Variants in OCLN observed in about 807,000 individuals in gnomAD.
The protein encoded by OCLN is occludin.
OCLN carries 21 observed loss-of-function variants against 47.9 expected under a neutral mutation model. The ratio of observed to expected loss-of-function variants is 0.44; its 90% CI spans 0.31 to 0.63. The LOEUF (loss-of-function observed/expected upper bound fraction) is 0.63, where lower values mean the gene tolerates loss of function less well. OCLN is among the 30% of genes least tolerant of loss of function. The pLI is 0.08. For synonymous variants in OCLN, 117 were observed against 198.4 expected (o/e 0.59, Z 3.45); for missense variants, 360 against 571.0 (o/e 0.63, Z 3.77).
intron 1 of OCLN, among the ~76,000 whole-genome samples, chr5:69,498,426 G>A (rs1417109347): frequency 6.6e-6 from 1 of 151,990 alleles, no homozygotes; most frequent in Non-Finnish European, 1.5e-5. Flanking sequence ...CCTGGGAGGT[G>A]GAGGTTGCAT....
chr5:69,507,623 A>G (rs1371199444), intron 2 of OCLN, among the ~76,000 whole-genome samples: 2 of 150,186 alleles, frequency 1.3e-5, no homozygotes, highest in Non-Finnish European at 3.0e-5. Flanking sequence ...TTTTTTTTTT[A>G]AGACAGAGTT....
At chr5:69,521,182 T>C (rs992309712) in intron 4 of OCLN, among the ~76,000 whole-genome samples, 11 of 152,208 alleles carry the variant, frequency 7.2e-5, no homozygotes, top group African/African-American at 2.7e-4. Flanking sequence ...AAACCAAAAA[T>C]AGGATCATAA....
At chr5:69,549,224 T>C (rs79008445) in intron 7 of OCLN, among the ~76,000 whole-genome samples, 88,788 of 105,436 alleles carry the variant, frequency 0.84, 37,731 homozygotes, top group African/African-American at 0.88. Flanking sequence ...ACTTGTAGTC[T>C]CAGCTACTTG....
At chr5:69,510,769 C>T (rs1768761019) in intron 3 of OCLN, among the ~76,000 whole-genome samples, 1 of 152,154 alleles carries the variant, frequency 6.6e-6, no homozygotes, top group Non-Finnish European at 1.5e-5. Flanking sequence ...TGGGTTATAC[C>T]TAGGGGTGGA....
At chr5:69,508,640 C>T (rs1005424295) in intron 2 of OCLN, among the ~76,000 whole-genome samples, 7 of 152,220 alleles carry the variant, frequency 4.6e-5, no homozygotes, top group African/African-American at 1.2e-4. Flanking sequence ...CGTGCCCAGC[C>T]GGACTAGATA....
intron 4 of OCLN, among the ~76,000 whole-genome samples, chr5:69,532,898 G>A (rs1464404857): frequency 6.6e-6 from 1 of 151,794 alleles, no homozygotes; most frequent in African/African-American, 2.4e-5. Context: ...AACCCAGGAG[G>A]CGGAGGTTAC....
intron 4 of OCLN, among the ~76,000 whole-genome samples, chr5:69,515,455 G>A (rs1447510369): frequency 7.4e-5 from 10 of 134,466 alleles, no homozygotes; most frequent in African/African-American, 2.5e-4. Context: ...CCGGGCAGAG[G>A]GGCTCCTCAC....
intron 1 of OCLN, among the ~76,000 whole-genome samples, chr5:69,498,944 G>A (rs979166228): frequency 6.6e-6 from 1 of 152,166 alleles, no homozygotes. Context: ...CTCCCAAAGA[G>A]CTGGAATTAC....
chr5:69,527,491 A>G (rs933219822), intron 4 of OCLN, among the ~76,000 whole-genome samples: 1 of 152,056 alleles, frequency 6.6e-6, no homozygotes, highest in Non-Finnish European at 1.5e-5. Flanking sequence ...ATTTTTTTGT[A>G]AGTTTTTATT....
At chr5:69,513,305 C>T (rs1768836969) in intron 3 of OCLN, among the ~76,000 whole-genome samples, 1 of 152,190 alleles carries the variant, frequency 6.6e-6, no homozygotes, top group Non-Finnish European at 1.5e-5. Context: ...TTCTTTGTTA[C>T]AGGGCCCTTT....
In OCLN at chr5:69,504,263, G is replaced by C. The variant is rs576636804; in HGVS notation, c.19G>C (p.Glu7Gln). The change falls in exon 2 of 9, where the codon GAA (glutamate) becomes CAA (glutamine). Residue 7 changes from glutamate to glutamine, a missense_variant. Coordinates refer to ENST00000396442, the MANE Select transcript of OCLN (RefSeq NM_001205254.2). ...ATCAGCCATGTCATCCAGGCCTCTT[G>C]AAAGTCCACCTCCTTACAGGCCTGA... is the stretch of plus-strand genomic sequence containing the variant. MSSRPL[E>Q]SPPPYRPDEF... The C allele has an allele frequency of 4.3e-6, 7 of 1,609,870 alleles. No individual in the cohort carries two copies. The East Asian group carries it at 1.6e-4, about 36-fold the overall frequency.
At position 69,520,633 on chromosome 5, in the gene OCLN, T is replaced by C. The variant is rs1190295238; in HGVS notation, c.891+6524T>C. Among the ~76,000 whole-genome samples, 6 of 152,006 alleles carry C rather than the reference T, an allele frequency of 3.9e-5. No homozygotes were observed. The East Asian group carries it at 1.2e-3, about 29-fold the overall frequency. ...ATCATCTTTTTCCTTTCCTATTTCT[T>C]ATTCTAAATTGGAAGTATGCTCATA... is the stretch of plus-strand genomic sequence containing the variant. On this transcript the variant is annotated intron_variant, in intron 4 of 8. Transcript: ENST00000396442.
chr5:69,493,374 G>A lies in OCLN; in HGVS notation c.-69+474G>A, dbSNP rs556603764. ...GCGGCCCGGGCGGCTTAGATCCCGG[G>A]GGGAATTTCATTCCTTCCGCTCCCA... is the stretch of plus-strand genomic sequence containing the variant. On this transcript the variant is annotated intron_variant, in intron 1 of 8. Transcript: ENST00000396442. The surrounding 1 kb of genome is among the most constrained non-coding windows in gnomAD (Gnocchi z 5.3). 1.3e-4 allele frequency among the ~76,000 whole-genome samples: 20 copies of A among 152,144 alleles called. No individual in the cohort carries two copies. In the South Asian group the frequency reaches 3.5e-3, roughly 27 times the overall value.
Position 69,548,004 on chromosome 5 carries a change from A to G in OCLN, c.1328A>G (p.Tyr443Cys), listed in dbSNP as rs1472531578. Residue 443 changes from tyrosine to cysteine, a missense_variant, in exon 7 of 9, where the codon TAC (tyrosine) becomes TGC (cysteine). Physicochemically the swap from Tyr to Cys is radical, Grantham distance 194. Coordinates refer to ENST00000396442, the MANE Select transcript of OCLN (RefSeq NM_001205254.2). ...KRNFDTGLQE[Y>C]KSLQSELDEI... is the part of the protein sequence containing the mutation. The stretch of plus-strand genomic sequence containing the variant: ...AATTTTGACACTGGCCTACAGGAAT[A>G]CAAGAGCTTACAATCAGAACTTGAT... 4.9e-6 allele frequency: 3 copies of G among 618,178 alleles called. No individual in the cohort carries two copies. In the South Asian group the frequency reaches 5.6e-5, roughly 12 times the overall value. 38.3% of individuals were successfully genotyped at this position (618,178 alleles called of 1,614,324 possible).
chr5:69,525,628 C>T (rs1416816510), intron 4 of OCLN, among the ~76,000 whole-genome samples: 1 of 152,110 alleles, frequency 6.6e-6, no homozygotes, highest in Non-Finnish European at 1.5e-5. Flanking sequence ...TGGCAAAACT[C>T]AACCAGTTTC....
chr5:69,529,490 A>G (rs1769371976), intron 4 of OCLN, among the ~76,000 whole-genome samples: 1 of 152,218 alleles, frequency 6.6e-6, no homozygotes, highest in African/African-American at 2.4e-5. Flanking sequence ...TGGAATAAGA[A>G]TCTTAATAAA....
At position 69,550,183 on chromosome 5, in the gene OCLN, A is replaced by G. The variant is rs1370768183; in HGVS notation, c.1426-1361A>G. ...TCTGTTTTTGCACTCTTGTCTACTT[A>G]TCTAATTTTTTTTTTTTTTTTTTTT... On this transcript the variant is annotated intron_variant, in intron 7 of 8. Coordinates refer to ENST00000396442, the MANE Select transcript of OCLN (RefSeq NM_001205254.2). 1.5e-4 allele frequency among the ~76,000 whole-genome samples: 15 copies of G among 100,370 alleles called. 1 individual carries two copies. In the South Asian group the frequency reaches 3.4e-3, roughly 23 times the overall value. 65.8% of individuals were successfully genotyped at this position (100,370 alleles called of 152,430 possible).
intron 3 of OCLN, 104 bp from the exon 4 acceptor site, chr5:69,513,844 T>G: frequency 1.0e-6 from 1 of 953,854 alleles, no homozygotes; most frequent in Non-Finnish European, 1.7e-6. Context: ...CACATGGATT[T>G]AGTAGGGCCT....
At position 69,513,995 on chromosome 5, in the gene OCLN, A is replaced by G; in HGVS notation, c.777A>G (p.Leu259=). ...LGFMIIVAFA[L]IIFFAVKTRR... The stretch of plus-strand genomic sequence containing the variant: ...TCATGATTATTGTGGCTTTTGCTTT[A>G]ATAATTTTCTTTGCTGTGAAAACTC... Residue 259 remains leucine, a synonymous_variant, in exon 4 of 9, where the codon TTA becomes TTG. Coordinates refer to ENST00000396442, the MANE Select transcript of OCLN (RefSeq NM_001205254.2). The G allele has an allele frequency of 6.2e-7, 1 of 1,613,954 alleles. No homozygotes were observed. Among genetic ancestry groups the G allele is most frequent in the Non-Finnish European group, 8.5e-7 (1 of 1,179,808 alleles).
Sources: gnomAD v4.1 joint callset for allele counts (sites outside exome capture counted in the v4.1 genomes callset) on GRCh38, gnomAD v4.1.1 for gene constraint, Gnocchi (gnomAD v3.1) non-coding constraint, MANE v1.5 for transcripts, NCBI Gene and HGNC (gene_info 2026-07-23, HGNC 2026-07-21) for gene names.